PKHD1: variants seen among roughly 807,000 people sequenced by gnomAD.
PKHD1 encodes fibrocystin.
Under a neutral mutation model 412.0 loss-of-function variants are expected in PKHD1, and 291 were observed. The ratio of observed to expected loss-of-function variants is 0.71; its 90% CI spans 0.64 to 0.78. PKHD1 has a LOEUF of 0.78. PKHD1 is among the 30% of genes least tolerant of loss of function. The probability of loss-of-function intolerance (pLI) is 0.00; values close to 1 mark genes in which losing one functional copy is unlikely to be tolerated. For missense variants in PKHD1, 4,825 were observed against 4,950.7 expected (o/e 0.97, Z 0.76); for synonymous variants, 1,777 against 1,821.5 (o/e 0.98, Z 0.62).
intron 36 of PKHD1, among the ~76,000 whole-genome samples, chr6:51,943,679 G>C (rs956148472): frequency 6.6e-6 from 1 of 151,466 alleles, no homozygotes; most frequent in Non-Finnish European, 1.5e-5. Context: ...TTTAATACCT[G>C]CTTTTCTCCT....
chr6:52,050,268 C>T lies in PKHD1; in HGVS notation c.2168G>A (p.Arg723His), dbSNP rs150597050. The change falls in exon 22 of 67, where the codon CGC becomes CAC. Residue 723 changes from arginine to histidine, a missense_variant. Transcript: ENST00000371117. ...TGATTCCACCAGATTGCCCCCTGGGCGAGCCGTTCCAGAATCAGCTTGAGA... is the reference window on the plus strand; with the variant it reads ...TGATTCCACCAGATTGCCCCCTGGGTGAGCCGTTCCAGAATCAGCTTGAGA... ...TVSQADSGTARPGGNLVESVS... is the reference protein window; with the variant it reads ...TVSQADSGTAHPGGNLVESVS... The T allele has an allele frequency of 2.3e-5, 37 of 1,613,890 alleles. No individual in the cohort carries two copies. The highest frequency in any genetic ancestry group is 1.6e-4 in the Middle Eastern group (1 of 6,084).
At chr6:51,993,765 G>A (rs1797337225) in intron 35 of PKHD1, among the ~76,000 whole-genome samples, 1 of 152,138 alleles carries the variant, frequency 6.6e-6, no homozygotes, top group African/African-American at 2.4e-5. Flanking sequence ...TAGTCAATTC[G>A]ATAGTTTAGG....
At chr6:51,734,850 C>T (rs554751942) in intron 60 of PKHD1, among the ~76,000 whole-genome samples, 30 of 152,234 alleles carry the variant, frequency 2.0e-4, no homozygotes, top group African/African-American at 5.3e-4. Flanking sequence ...AATCGACACA[C>T]GATTTAAAGT....
intron 27 of PKHD1, among the ~76,000 whole-genome samples, chr6:52,042,334 G>C (rs1805025620): frequency 6.6e-6 from 1 of 152,194 alleles, no homozygotes. Context: ...TTAAGGAAAA[G>C]GGCTTTATGC....
intron 29 of PKHD1, among the ~76,000 whole-genome samples, chr6:52,030,533 G>A (rs770929259): frequency 6.6e-5 from 10 of 152,088 alleles, no homozygotes; most frequent in Non-Finnish European, 1.5e-4. Context: ...ACATGACTAC[G>A]AGGTGACAGT....
chr6:51,742,665 T>C (rs976901606), intron 60 of PKHD1, among the ~76,000 whole-genome samples: 2 of 152,246 alleles, frequency 1.3e-5, no homozygotes, highest in South Asian at 2.1e-4. Context: ...CCAAAATTTA[T>C]TGAGTAACCC....
At chr6:51,658,809 A>G (rs753613655) in intron 61 of PKHD1, 143 bp downstream of exon 61, 10 of 650,120 alleles carry the variant, frequency 1.5e-5, no homozygotes, top group Non-Finnish European at 2.4e-5. Flanking sequence ...TAAGTCTTTA[A>G]ATGACTCTTT....
chr6:51,709,849 A>ATTT (rs10636108), intron 60 of PKHD1, among the ~76,000 whole-genome samples: 48,478 of 142,184 alleles, frequency 0.34, 10,336 homozygotes, highest in African/African-American at 0.6. Flanking sequence ...TGCTTTAGTC[A>ATTT]TTTTTTTTTT....
intron 11 of PKHD1, among the ~76,000 whole-genome samples, chr6:52,066,663 C>T (rs4711995): frequency 0.097 from 14,779 of 152,084 alleles, 849 homozygotes; most frequent in Middle Eastern, 0.21. Context: ...GAGGCCGAAG[C>T]GAGTGGCAGG....
intron 63 of PKHD1, among the ~76,000 whole-genome samples, chr6:51,647,555 T>C (rs1770271608): frequency 6.6e-6 from 1 of 152,190 alleles, no homozygotes; most frequent in South Asian, 2.1e-4. Context: ...GGTCAGGTGC[T>C]TTTGCACTTA....
At chr6:51,831,194 C>A (rs1160445571) in intron 51 of PKHD1, among the ~76,000 whole-genome samples, 1 of 152,090 alleles carries the variant, frequency 6.6e-6, no homozygotes, top group African/African-American at 2.4e-5. Context: ...AAAAATCCCA[C>A]TTTTGTTATT....
intron 34 of PKHD1, among the ~76,000 whole-genome samples, chr6:52,016,497 G>A (rs896048047): frequency 5.3e-5 from 8 of 151,976 alleles, no homozygotes; most frequent in East Asian, 1.9e-4. Context: ...TTAGCTGGGC[G>A]TGGTGGTATA....
intron 35 of PKHD1, among the ~76,000 whole-genome samples, chr6:52,006,349 G>T (rs1288090126): frequency 6.9e-6 from 1 of 144,358 alleles, no homozygotes; most frequent in Non-Finnish European, 1.5e-5. Context: ...TTTTTGGTTT[G>T]TTTTTTGTTG....
chr6:51,714,287 T>C (rs1342760729), intron 60 of PKHD1, among the ~76,000 whole-genome samples: 2 of 152,178 alleles, frequency 1.3e-5, no homozygotes, highest in African/African-American at 4.8e-5. Flanking sequence ...GGAGAGTTGC[T>C]TGAACCCAGG....
intron 34 of PKHD1, among the ~76,000 whole-genome samples, chr6:52,015,487 G>A (rs1164421828): frequency 6.6e-6 from 1 of 152,150 alleles, no homozygotes; most frequent in Non-Finnish European, 1.5e-5. Context: ...AACTTTGTTT[G>A]TTTAAATCAT....
chr6:51,632,557 C>T lies in PKHD1; in HGVS notation c.11665+8G>A. 1 of 1,595,978 alleles carries T rather than the reference C, an allele frequency of 6.3e-7. No individual in the cohort carries two copies. The highest frequency in any genetic ancestry group is 1.4e-5 in the African/African-American group (1 of 73,380). On this transcript the variant is annotated splice_region_variant and intron_variant, in intron 65 of 66. Transcript: ENST00000371117. ...TTTTCATTCCAAAATAAAAAAAAAA[C>T]TACATACTTCTGCTTTTGCTTCTTT...
At position 51,868,099 on chromosome 6, in the gene PKHD1, A is replaced by T. The variant is rs1228256782; in HGVS notation, c.7497T>A (p.Thr2499=). The T allele has an allele frequency of 3.1e-6, 5 of 1,611,782 alleles. No individual in the cohort carries two copies. The highest frequency in any genetic ancestry group is 4.2e-6 in the Non-Finnish European group (5 of 1,178,108). The change falls in exon 48 of 67, where the codon ACT becomes ACA. Residue 2499 remains threonine (T), a synonymous_variant. Transcript: ENST00000371117. ...SDCSQGQGGF[T]VKTSQLKFTN... ...TAAACTTCAACTGGCTGGTCTTCAC[A>T]GTAAATCCACCTATAAATTGGAAAA...
In PKHD1 at chr6:51,903,637, G is replaced by A. The variant is rs1466087646; in HGVS notation, c.6956C>T (p.Pro2319Leu). Reference protein sequence around the residue: ...EGLSNPEMLTPSGIYICSPTN... With the variant: ...EGLSNPEMLTLSGIYICSPTN... The stretch of plus-strand genomic sequence containing the variant: ...GGGACTGCAGATATAGATGCCAGAT[G>A]GTGTCAACATTTCAGGATTGGAGAG... Residue 2319 changes from proline to leucine, a missense_variant, in exon 43 of 67, where the codon CCA becomes CTA. Physicochemically the swap from Pro to Leu is moderately conservative, Grantham distance 98 (BLOSUM62 -3). Transcript: ENST00000371117. 1 of 1,611,100 alleles carries A rather than the reference G, an allele frequency of 6.2e-7. No individual in the cohort carries two copies. The highest frequency in any genetic ancestry group is 1.3e-5 in the African/African-American group (1 of 74,682).
chr6:51,690,397 T>C (rs903778816), intron 60 of PKHD1, among the ~76,000 whole-genome samples: 2 of 151,872 alleles, frequency 1.3e-5, no homozygotes, highest in African/African-American at 4.8e-5. Flanking sequence ...GGAGGTATCA[T>C]GCTATCCAAC....
Sources: allele counts gnomAD v4.1 joint callset (sites outside exome capture counted in the v4.1 genomes callset), GRCh38; gene constraint gnomAD v4.1.1; transcripts MANE v1.5; gene names NCBI Gene and HGNC (gene_info 2026-07-23, HGNC 2026-07-21).